Variants in NFASC observed in about 807,000 individuals in gnomAD.
The protein encoded by NFASC is neurofascin.
In NFASC, 43 loss-of-function variants were observed where a neutral mutation model predicts 147.5. The observed-to-expected ratio is 0.29, with a 90% CI of 0.23 to 0.38. The LOEUF is 0.38. NFASC is among the 10% of genes least tolerant of loss of function. The probability of loss-of-function intolerance (pLI) is 1.00; values close to 1 mark genes in which losing one functional copy is unlikely to be tolerated. For missense variants in NFASC, 1,320 were observed against 1,689.0 expected, an observed-to-expected ratio of 0.78 and a Z score of 3.83; for synonymous variants, 622 against 665.5, an observed-to-expected ratio of 0.93 and a Z score of 1.01.
chr1:204,944,517 G>T, intron 3 of NFASC, 111 bp downstream of exon 3: 1 of 826,624 alleles, frequency 1.2e-6, no homozygotes, highest in Non-Finnish European at 1.8e-6. Flanking sequence ...TTGAGGAGAG[G>T]GGACGCAGTG....
intron 1 of NFASC, among the ~76,000 whole-genome samples, chr1:204,884,664 G>T (rs2080957760): frequency 6.6e-6 from 1 of 152,080 alleles, no homozygotes. Context: ...GGAGTTAATA[G>T]CCCCTCGCAC....
intron 2 of NFASC, among the ~76,000 whole-genome samples, chr1:204,938,877 T>C (rs1356128878): frequency 6.6e-6 from 1 of 152,184 alleles, no homozygotes; most frequent in African/African-American, 2.4e-5. Flanking sequence ...TTGAAGAGTG[T>C]CCAGGTGACT....
At chr1:204,909,873 T>G (rs957453968) in intron 1 of NFASC, among the ~76,000 whole-genome samples, 3 of 152,098 alleles carry the variant, frequency 2.0e-5, no homozygotes, top group Non-Finnish European at 4.4e-5. Flanking sequence ...TGCATCTTTA[T>G]CAAAAATCAG....
chr1:204,980,319 G>C, intron 19 of NFASC, 51 bp from the exon 20 acceptor site: 3 of 1,473,636 alleles, frequency 2.0e-6, no homozygotes, highest in Non-Finnish European at 2.8e-6. Flanking sequence ...TCCTTACCTT[G>C]CCCTGGAAAG....
chr1:204,900,690 T>A (rs776060739), intron 1 of NFASC, among the ~76,000 whole-genome samples: 2 of 150,964 alleles, frequency 1.3e-5, no homozygotes, highest in Non-Finnish European at 3.0e-5. Flanking sequence ...CTGGGGGAGG[T>A]GGTTTGCAAT....
intron 1 of NFASC, among the ~76,000 whole-genome samples, chr1:204,848,602 T>TTA (rs758127595): frequency 3.3e-5 from 5 of 152,356 alleles, no homozygotes; most frequent in Non-Finnish European, 4.4e-5. Context: ...ATTTGTCTGA[T>TTA]TATAAAGGTA....
At chr1:205,007,047 G>A (rs1370611290) in intron 27 of NFASC, among the ~76,000 whole-genome samples, 1 of 152,038 alleles carries the variant, frequency 6.6e-6, no homozygotes, top group Non-Finnish European at 1.5e-5. Flanking sequence ...CTTGCTGGGG[G>A]TACAGAAGAG....
At chr1:204,883,444 C>T (rs1171188980) in intron 1 of NFASC, among the ~76,000 whole-genome samples, 2 of 152,176 alleles carry the variant, frequency 1.3e-5, no homozygotes, top group Non-Finnish European at 2.9e-5. Flanking sequence ...GCATGAAGGC[C>T]CCACCAGGGA....
At chr1:204,991,028 C>A (rs550867299) in intron 23 of NFASC, among the ~76,000 whole-genome samples, 2 of 152,314 alleles carry the variant, frequency 1.3e-5, no homozygotes, top group South Asian at 4.1e-4. Flanking sequence ...GAGGTAGAAA[C>A]AGTGTGTTAG....
intron 1 of NFASC, among the ~76,000 whole-genome samples, chr1:204,877,043 A>T (rs1572363193): frequency 9.8e-6 from 1 of 102,140 alleles, no homozygotes; most frequent in East Asian, 6.7e-4. Flanking sequence ...ATATTTATAT[A>T]TATATAATAT....
intron 4 of NFASC, among the ~76,000 whole-genome samples, chr1:204,951,471 T>TA (rs369706566): frequency 0.016 from 1,255 of 76,694 alleles, 21 homozygotes; most frequent in African/African-American, 0.052. Flanking sequence ...GCCTATGGGA[T>TA]TTTTTTTTTT....
At chr1:204,981,581 G>C (rs2841631) in intron 20 of NFASC, among the ~76,000 whole-genome samples, 152,385 of 152,388 alleles carry the variant, frequency 1, 76,191 homozygotes, top group Non-Finnish European at 1. Context: ...GGCGAAGCCT[G>C]TGTCACAGAA....
chr1:204,968,472 AAG>A lies in NFASC; in HGVS notation c.818+116_818+117del, dbSNP rs2095076166. The A allele has an allele frequency of 1.3e-6, 1 of 764,084 alleles. No individual in the cohort carries two copies. The highest frequency in any genetic ancestry group is 2.6e-5 in the East Asian group (1 of 37,744). 47.3% of individuals were successfully genotyped at this position (764,084 alleles called of 1,614,324 possible). ...TAGTGCATACCAGTAGCACAGCAAA[AAG>A]AGAAGCAAACAGCCTCTAGTGAGCA... On this transcript the variant is annotated intron_variant, in intron 9 of 29. Transcript: ENST00000339876. This position sits in a 1 kb window ranked among gnomAD's most constrained non-coding sequence, Gnocchi z 5.4.
At chr1:204,929,330 C>T (rs544359802) in intron 2 of NFASC, 1 of 152,536 alleles carries the variant, frequency 6.6e-6, no homozygotes, top group Admixed American at 6.5e-5. Flanking sequence ...GGAGACCACC[C>T]CCATCCAACC....
rs1417676224 is a variant in NFASC, at chr1:204,850,541, T to C, written c.-200+21759T>C. On this transcript the variant is annotated intron_variant, in intron 1 of 29. Transcript: ENST00000339876. ...AGAGGAGGGGCCTGGTGGGAGGTGA[T>C]TGAATCATGGGCACAGACGTCCCCC... Among the ~76,000 whole-genome samples the C allele has an allele frequency of 2.6e-5, 4 of 152,312 alleles. No individual in the cohort carries two copies. In the East Asian group the frequency reaches 7.7e-4, roughly 29 times the overall value.
At chr1:205,007,120 G>C (rs1247693666) in intron 27 of NFASC, among the ~76,000 whole-genome samples, 1 of 151,930 alleles carries the variant, frequency 6.6e-6, no homozygotes, top group East Asian at 1.9e-4. Flanking sequence ...CAGCATGTGA[G>C]CTGGAGCTGA....
chr1:204,992,935 G>C (rs534102323), intron 24 of NFASC, among the ~76,000 whole-genome samples: 1 of 152,206 alleles, frequency 6.6e-6, no homozygotes, highest in Non-Finnish European at 1.5e-5. Context: ...ATGAGCTCAC[G>C]GTCTCAATCA....
At position 204,894,265 on chromosome 1, in the gene NFASC, A is replaced by G. The variant is rs530637530; in HGVS notation, c.-199-26367A>G. Among the ~76,000 whole-genome samples the G allele has an allele frequency of 8.5e-5, 13 of 152,314 alleles. No individual in the cohort carries two copies. The South Asian group carries it at 2.1e-3, about 24-fold the overall frequency. On this transcript the variant is annotated intron_variant, in intron 1 of 29. Coordinates refer to ENST00000339876, the MANE Select transcript of NFASC (RefSeq NM_001005388.3). ...CCATATGCCCATCCTTAAACCAACT[A>G]CTGGCAAAGGGGAATGTTATTATCA...
At chr1:204,867,010 G>A (rs770451434) in intron 1 of NFASC, among the ~76,000 whole-genome samples, 1 of 152,162 alleles carries the variant, frequency 6.6e-6, no homozygotes, top group Non-Finnish European at 1.5e-5. Context: ...CAGAGATGGA[G>A]TAAAGGAATT....
Sources: allele counts gnomAD v4.1 joint callset (sites outside exome capture counted in the v4.1 genomes callset), GRCh38; gene constraint gnomAD v4.1.1; non-coding constraint Gnocchi (gnomAD v3.1); transcripts MANE v1.5; gene names NCBI Gene and HGNC (gene_info 2026-07-23, HGNC 2026-07-21).